Variants in DNAI2 observed in about 807,000 individuals in gnomAD.
The protein encoded by DNAI2 is dynein, axonemal, intermediate polypeptide 2.
Under a neutral mutation model 74.7 loss-of-function variants are expected in DNAI2, and 63 were observed. The ratio of observed to expected loss-of-function variants is 0.84; its 90% confidence interval spans 0.69 to 1.04. The LOEUF (loss-of-function observed/expected upper bound fraction) is 1.04, where lower values mean the gene tolerates loss of function less well. Ranked by LOEUF, DNAI2 falls within the 50% of genes least tolerant of loss-of-function variation. The pLI, the probability that DNAI2 is intolerant of heterozygous loss-of-function variation, is 0.00. For missense variants in DNAI2, 688 were observed against 803.2 expected, an observed-to-expected ratio of 0.86 and a Z score of 1.73; for synonymous variants, 289 against 314.9, an observed-to-expected ratio of 0.92 and a Z score of 0.87.
Position 74,310,054 on chromosome 17 carries a change from A to AC in DNAI2, c.1386dup (p.Asn463GlnfsTer30). ...GCCCTCTTCTGCCTCCGGGTGCAGG[A>AC]CAATGGGTGTCTCATCGCCTGCGGC... On this transcript the variant is annotated frameshift_variant, in exon 11 of 14. Transcript: ENST00000311014. LOFTEE classifies it high-confidence loss of function. 2 of 1,613,946 alleles carry AC rather than the reference A, an allele frequency of 1.2e-6. No homozygotes were observed. Among genetic ancestry groups the AC allele is most frequent in the Non-Finnish European group, 1.7e-6 (2 of 1,180,032 alleles).
intron 8 of DNAI2, among the ~76,000 whole-genome samples, chr17:74,302,518 G>C (rs1173941687): frequency 2.0e-5 from 3 of 151,940 alleles, no homozygotes; most frequent in Non-Finnish European, 4.4e-5. Context: ...GGTGAGCCAA[G>C]ATCGCATCAT....
Position 74,312,001 on chromosome 17 carries a change from A to T in DNAI2, c.1495-2A>T. 5 of 1,600,128 alleles carry T rather than the reference A, an allele frequency of 3.1e-6. No homozygotes were observed. In the South Asian group the frequency reaches 3.3e-5, roughly 11 times the overall value. On this transcript the variant is annotated splice_acceptor_variant, in intron 11 of 13. Coordinates refer to ENST00000311014, the MANE Select transcript of DNAI2 (RefSeq NM_023036.6). LOFTEE classifies it high-confidence loss of function. ...GGGCTCTCTCTGTCCCTGGGTGCCCAGATGTTTGAGCGTGAGACCCGGCGA... is the reference window on the plus strand; with the variant it reads ...GGGCTCTCTCTGTCCCTGGGTGCCCTGATGTTTGAGCGTGAGACCCGGCGA...
chr17:74,283,149 G>GT (rs2051490376), intron 2 of DNAI2, among the ~76,000 whole-genome samples: 3 of 152,232 alleles, frequency 2.0e-5, no homozygotes, highest in African/African-American at 7.2e-5. Context: ...GGAGATGGGA[G>GT]TGACTTCATG....
Position 74,310,129 on chromosome 17 carries a change from C to T in DNAI2, c.1460C>T (p.Thr487Ile). ...TLLEVSPGLS[T>I]LQRNEKNVAS... ...CTGGAGGTCTCGCCTGGGCTCTCTA[C>T]CCTCCAGAGGAATGAGAAGAACGTA... The change falls in exon 11 of 14, where the codon ACC (threonine) becomes ATC (isoleucine). Residue 487 changes from threonine to isoleucine, a missense_variant. Coordinates refer to ENST00000311014, the MANE Select transcript of DNAI2 (RefSeq NM_023036.6). The T allele has an allele frequency of 6.2e-7, 1 of 1,613,804 alleles. No homozygotes were observed. Among genetic ancestry groups the T allele is most frequent in the South Asian group, 1.1e-5 (1 of 91,084 alleles).
At chr17:74,289,494 G>C (rs1363090950) in intron 4 of DNAI2, 100 bp from the exon 5 acceptor site, 10 of 1,484,146 alleles carry the variant, frequency 6.7e-6, no homozygotes, top group African/African-American at 4.2e-5. Context: ...GCCACTGCCT[G>C]GGGGACAGAG....
At position 74,300,194 on chromosome 17, in the gene DNAI2, G is replaced by A. The variant is rs1406764788; in HGVS notation, c.864+337G>A. The stretch of plus-strand genomic sequence containing the variant: ...AACTCTGACCTCAGGTGATCCACCC[G>A]CCTTGGCCTCCCAAAGTGGTGGGAT... On this transcript the variant is annotated intron_variant, in intron 7 of 13. Transcript: ENST00000311014. This position sits in a 1 kb window ranked among gnomAD's most constrained non-coding sequence, Gnocchi z 4.5. Among the ~76,000 whole-genome samples the A allele has an allele frequency of 2.6e-5, 4 of 152,196 alleles. No individual in the cohort carries two copies. Among genetic ancestry groups the A allele is most frequent in the African/African-American group, 7.2e-5 (3 of 41,448 alleles).
rs377584814 is a variant in DNAI2, at chr17:74,302,406, A to C, written c.987+1238A>C. On this transcript the variant is annotated intron_variant, in intron 8 of 13. Transcript: ENST00000311014. ...AATATGGAGAAACCCCATCTCTACTAAAAATACAAAATTAGCTGGGCGTGG... is the reference window on the plus strand; with the variant it reads ...AATATGGAGAAACCCCATCTCTACTCAAAATACAAAATTAGCTGGGCGTGG... Among the ~76,000 whole-genome samples the C allele has an allele frequency of 1.3e-4, 20 of 152,272 alleles. 1 individual carries two copies. In the East Asian group the frequency reaches 3.3e-3, roughly 25 times the overall value.
chr17:74,292,992 G>T (rs1386877464), intron 6 of DNAI2, among the ~76,000 whole-genome samples: 3 of 152,002 alleles, frequency 2.0e-5, no homozygotes, highest in Non-Finnish European at 4.4e-5. Context: ...ACCACGCTGG[G>T]CTAATTTTTT....
chr17:74,298,508 T>C (rs1045595918), intron 6 of DNAI2, among the ~76,000 whole-genome samples: 3 of 152,064 alleles, frequency 2.0e-5, no homozygotes, highest in Admixed American at 2.0e-4. Flanking sequence ...GGTTTCATCA[T>C]GTTGGCCAGG....
rs1023846103 is a variant in DNAI2 at position 74,300,577 on chromosome 17, T to C, written c.865-469T>C. Among the ~76,000 whole-genome samples, 3 of 152,248 alleles carry C rather than the reference T, an allele frequency of 2.0e-5. No individual in the cohort carries two copies. The highest frequency in any genetic ancestry group is 1.3e-4 in the Admixed American group (2 of 15,286). ...GGGTGTACCATAATTTATATATGGA[T>C]TCTAATATTTTGTTGCTACCCCCCA... On this transcript the variant is annotated intron_variant, in intron 7 of 13. Coordinates refer to ENST00000311014, the MANE Select transcript of DNAI2 (RefSeq NM_023036.6). The surrounding 1 kb of genome is among the most constrained non-coding windows in gnomAD (Gnocchi z 4.5).
intron 1 of DNAI2, among the ~76,000 whole-genome samples, chr17:74,278,305 C>G (rs1447969940): frequency 6.6e-6 from 1 of 152,080 alleles, no homozygotes; most frequent in East Asian, 1.9e-4. Flanking sequence ...TAGTGTCTGC[C>G]TGTGGTCCCA....
intron 8 of DNAI2, 53 bp downstream of exon 8, chr17:74,301,221 G>C (rs2052743385): frequency 1.2e-6 from 2 of 1,608,644 alleles, no homozygotes; most frequent in Admixed American, 3.3e-5. Context: ...GGCAGCCAGG[G>C]CTAAAGACAG....
intron 4 of DNAI2, among the ~76,000 whole-genome samples, chr17:74,288,495 T>C (rs1399952828): frequency 6.6e-6 from 1 of 151,552 alleles, no homozygotes; most frequent in Non-Finnish European, 1.5e-5. Flanking sequence ...ACATGCCTGA[T>C]GTGAGGAGAA....
rs1177784803 is a variant in DNAI2 at position 74,300,081 on chromosome 17, T to C, written c.864+224T>C. Reference sequence around the variant, plus strand: ...CTCCTGCCTCAGCCTCCCAAGTAGCTGGGATTACAGGCGCCTGCCACTATG... The same window carrying C: ...CTCCTGCCTCAGCCTCCCAAGTAGCCGGGATTACAGGCGCCTGCCACTATG... On this transcript the variant is annotated intron_variant, in intron 7 of 13. Coordinates refer to ENST00000311014, the MANE Select transcript of DNAI2 (RefSeq NM_023036.6). The surrounding 1 kb of genome is among the most constrained non-coding windows in gnomAD (Gnocchi z 4.5). Among the ~76,000 whole-genome samples, 1 of 152,200 alleles carries C rather than the reference T, an allele frequency of 6.6e-6. No individual in the cohort carries two copies. Among genetic ancestry groups the C allele is most frequent in the East Asian group, 1.9e-4 (1 of 5,194 alleles).
intron 8 of DNAI2, among the ~76,000 whole-genome samples, chr17:74,304,685 A>T (rs2053078832): frequency 6.6e-6 from 1 of 152,174 alleles, no homozygotes; most frequent in South Asian, 2.1e-4. Flanking sequence ...CACCAGTGGT[A>T]GGGGGACGAG....
intron 9 of DNAI2, among the ~76,000 whole-genome samples, chr17:74,308,760 G>A (rs759495096): frequency 1.3e-5 from 2 of 152,018 alleles, no homozygotes; most frequent in South Asian, 4.2e-4. Flanking sequence ...GGCTTCAAGC[G>A]ATCTTCCTGC....
At chr17:74,309,060 C>CAAAA (rs549880425) in intron 9 of DNAI2, among the ~76,000 whole-genome samples, 193 bp from the exon 10 acceptor site, 1 of 53,764 alleles carries the variant, frequency 1.9e-5, no homozygotes, top group Non-Finnish European at 4.0e-5. Flanking sequence ...AAGAGTGTCT[C>CAAAA]AAAAAAAAAA....
intron 6 of DNAI2, among the ~76,000 whole-genome samples, chr17:74,299,287 G>A (rs147153695): frequency 6.3e-4 from 96 of 152,294 alleles, no homozygotes; most frequent in African/African-American, 2.0e-3. Flanking sequence ...CCTAAATGGA[G>A]TCTTTCCACG....
At chr17:74,288,328 G>A (rs2051873896) in intron 4 of DNAI2, among the ~76,000 whole-genome samples, 1 of 152,208 alleles carries the variant, frequency 6.6e-6, no homozygotes, top group South Asian at 2.1e-4. Context: ...GTGATGCTGG[G>A]TAGGTTAGGT....
Sources: gnomAD v4.1 joint callset for allele counts (sites outside exome capture counted in the v4.1 genomes callset) on GRCh38, gnomAD v4.1.1 for gene constraint, Gnocchi (gnomAD v3.1) non-coding constraint, MANE v1.5 for transcripts, NCBI Gene and HGNC (gene_info 2026-07-23, HGNC 2026-07-21) for gene names.